ACCS: variants seen among roughly 807,000 people sequenced by gnomAD.
ACCS encodes 1-aminocyclopropane-1-carboxylate synthase-like protein 1.
In ACCS, 42 loss-of-function variants were observed where a neutral mutation model predicts 59.8. The ratio of observed to expected loss-of-function variants is 0.70; its 90% CI spans 0.55 to 0.91. The LOEUF (loss-of-function observed/expected upper bound fraction) is 0.91. Ranked by LOEUF, ACCS falls within the 40% of genes least tolerant of loss-of-function variation. ACCS has a pLI of 0.00. For missense variants in ACCS, 602 were observed against 630.4 expected (o/e 0.95, Z 0.48); for synonymous variants, 230 against 240.3 (o/e 0.96, Z 0.40).
At chr11:44,080,594 A>C (rs1038608096) in intron 10 of ACCS, 2 of 191,952 alleles carry the variant, frequency 1.0e-5, no homozygotes, top group African/African-American at 4.7e-5. Flanking sequence ...AGCCAGAAAA[A>C]CCATTTTAGC....
intron 2 of ACCS, among the ~76,000 whole-genome samples, chr11:44,069,019 A>G (rs11605120): frequency 0.11 from 16,051 of 152,236 alleles, 948 homozygotes; most frequent in Middle Eastern, 0.17. Flanking sequence ...GGATGTTGCT[A>G]TTTAGTAGAA....
chr11:44,070,657 C>T lies in ACCS; in HGVS notation c.289-599C>T, dbSNP rs919076520. Among the ~76,000 whole-genome samples the T allele has an allele frequency of 3.3e-5, 5 of 152,256 alleles. No individual in the cohort carries two copies. In the South Asian group the frequency reaches 8.3e-4, roughly 25 times the overall value. On this transcript the variant is annotated intron_variant, in intron 2 of 14. Transcript: ENST00000263776. ...TTATGCCTGCCTGCCTATCCTATGA[C>T]AATAAATGCCTGTGGGGTGGGGATC...
At chr11:44,069,172 G>A (rs1453330120) in intron 2 of ACCS, among the ~76,000 whole-genome samples, 2 of 152,104 alleles carry the variant, frequency 1.3e-5, no homozygotes, top group East Asian at 1.9e-4. Flanking sequence ...AATTTTTGGA[G>A]TTCAGGAATC....
At chr11:44,077,719 G>C in intron 7 of ACCS, 126 bp from the exon 8 acceptor site, 1 of 1,468,776 alleles carries the variant, frequency 6.8e-7, no homozygotes, top group Non-Finnish European at 9.0e-7. Context: ...GACCCCACCT[G>C]CTTTTCCAGA....
At chr11:44,078,979 T>TA (rs1953509106) in intron 9 of ACCS, 195 bp downstream of exon 9, 1 of 577,468 alleles carries the variant, frequency 1.7e-6, no homozygotes, top group Non-Finnish European at 3.1e-6. Context: ...TTTATAACAA[T>TA]AGCTATCAAT....
intron 2 of ACCS, among the ~76,000 whole-genome samples, chr11:44,069,641 C>T (rs1057473549): frequency 1.3e-4 from 20 of 152,338 alleles, no homozygotes; most frequent in African/African-American, 3.1e-4. Flanking sequence ...GTGGGAGGCT[C>T]TACTTCCAAT....
At chr11:44,069,369 A>G (rs1325138644) in intron 2 of ACCS, among the ~76,000 whole-genome samples, 1 of 152,082 alleles carries the variant, frequency 6.6e-6, no homozygotes, top group Non-Finnish European at 1.5e-5. Context: ...GGTGTGTGCC[A>G]CTATGCCCAG....
intron 5 of ACCS, 142 bp from the exon 6 acceptor site, chr11:44,075,384 G>T (rs1180470548): frequency 2.5e-6 from 2 of 791,582 alleles, no homozygotes; most frequent in East Asian, 2.5e-5. Flanking sequence ...TTGGCTGTCA[G>T]TCTAGTGGCT....
rs959357252 is a variant in ACCS at position 44,077,385 on chromosome 11, C to T, written c.654+9C>T. ...TCTACCTGGACAGTGAGGTAAGAGT[C>T]TTGACTTCCTAGGTGGAACCTGGGC... On this transcript the variant is annotated intron_variant, in intron 7 of 14. Coordinates refer to ENST00000263776, the MANE Select transcript of ACCS (RefSeq NM_032592.4). 6.2e-7 allele frequency: 1 copy of T among 1,613,566 alleles called. No individual in the cohort carries two copies. Among genetic ancestry groups the T allele is most frequent in the Non-Finnish European group, 8.5e-7 (1 of 1,179,712 alleles).
Position 44,081,041 on chromosome 11 carries a change from C to T in ACCS, c.945C>T (p.Thr315=), listed in dbSNP as rs954178768. ...SLERLPDPQR[T]HVMWATSKDF... ...GCAGGCTCCCTGACCCCCAGAGGAC[C>T]CATGTGATGTGGGCAACCAGCAAGG... Residue 315 remains threonine, a synonymous_variant, in exon 11 of 15, where the codon ACC becomes ACT. Transcript: ENST00000263776. The T allele has an allele frequency of 1.9e-6, 3 of 1,614,192 alleles. No homozygotes were observed. The highest frequency in any genetic ancestry group is 2.5e-6 in the Non-Finnish European group (3 of 1,180,044).
At chr11:44,083,615 G>A in intron 14 of ACCS, 38 bp downstream of exon 14, 1 of 1,614,126 alleles carries the variant, frequency 6.2e-7, no homozygotes, top group Non-Finnish European at 8.5e-7. Flanking sequence ...CCTAACTGCA[G>A]CCTTCACTGT....
chr11:44,071,124 C>A, intron 2 of ACCS, 132 bp from the exon 3 acceptor site: 1 of 903,088 alleles, frequency 1.1e-6, no homozygotes, highest in Non-Finnish European at 1.8e-6. Context: ...TGAGCAAAGG[C>A]AAGGAGGGAT....
At chr11:44,079,685 C>T in intron 10 of ACCS, 65 bp downstream of exon 10, 1 of 1,470,668 alleles carries the variant, frequency 6.8e-7, no homozygotes, top group Non-Finnish European at 9.3e-7. Flanking sequence ...TGGCCACTTT[C>T]TGGCTCAGCC....
Position 44,071,237 on chromosome 11 carries a change from C to T in ACCS, c.289-19C>T. The T allele has an allele frequency of 2.5e-6, 4 of 1,614,126 alleles. No homozygotes were observed. Among genetic ancestry groups the T allele is most frequent in the Non-Finnish European group, 1.7e-6 (2 of 1,179,978 alleles). On this transcript the variant is annotated intron_variant, in intron 2 of 14. Coordinates refer to ENST00000263776, the MANE Select transcript of ACCS (RefSeq NM_032592.4). ...CCCCCCTGCCATGCTAACTCTGCCT[C>T]TGTACCTCTCATCTCCAGGGCATCA...
Position 44,083,152 on chromosome 11 carries a change from C to T in ACCS, c.1112-17C>T. On this transcript the variant is annotated splice_polypyrimidine_tract_variant and intron_variant, in intron 12 of 14. Coordinates refer to ENST00000263776, the MANE Select transcript of ACCS (RefSeq NM_032592.4). ...GTTGATGGGATATTGATCTTCTGGC[C>T]TCTTTCACCCAAACAGACTGGATCA... 6.8e-7 allele frequency: 1 copy of T among 1,473,766 alleles called. No individual in the cohort carries two copies. The highest frequency in any genetic ancestry group is 9.0e-7 in the Non-Finnish European group (1 of 1,117,244). 91.3% of individuals were successfully genotyped at this position (1,473,766 alleles called of 1,614,324 possible).
chr11:44,076,287 A>G (rs1172778138), intron 6 of ACCS, among the ~76,000 whole-genome samples: 1 of 152,248 alleles, frequency 6.6e-6, no homozygotes, highest in Non-Finnish European at 1.5e-5. Context: ...TTAATTAATA[A>G]TGAGAATATT....
chr11:44,067,483 C>A, intron 1 of ACCS, 145 bp from the exon 2 acceptor site: 1 of 853,790 alleles, frequency 1.2e-6, no homozygotes, highest in East Asian at 2.5e-5. Context: ...ATGGTTACAG[C>A]TAAGGGACAC....
Position 44,078,675 on chromosome 11 carries a change from T to A in ACCS, c.733-9T>A. 1 of 1,613,680 alleles carries A rather than the reference T, an allele frequency of 6.2e-7. No individual in the cohort carries two copies. The highest frequency in any genetic ancestry group is 1.3e-5 in the African/African-American group (1 of 75,010). The stretch of plus-strand genomic sequence containing the variant: ...GCTGAGGGTCTCCTGCCCTAACGGA[T>A]GGTTTCAGGGTGTGAAGGTCAAAGG... On this transcript the variant is annotated splice_polypyrimidine_tract_variant and intron_variant, in intron 8 of 14. Transcript: ENST00000263776.
In ACCS at chr11:44,067,818, C is replaced by A. The variant is rs865883341; in HGVS notation, c.191C>A (p.Ser64Tyr). ...AMISSDTSYL[S>Y]SRGRMIKWFW... The stretch of plus-strand genomic sequence containing the variant: ...ATCTCCTCTGATACCTCCTACCTGT[C>A]CTCTAGAGGAAGAATGATTAAATGG... Residue 64 changes from serine to tyrosine, a missense_variant, in exon 2 of 15, where the codon TCC (serine) becomes TAC (tyrosine). Coordinates refer to ENST00000263776, the MANE Select transcript of ACCS (RefSeq NM_032592.4). 6.2e-7 allele frequency: 1 copy of A among 1,614,082 alleles called. No individual in the cohort carries two copies. Among genetic ancestry groups the A allele is most frequent in the Non-Finnish European group, 8.5e-7 (1 of 1,180,004 alleles).
Sources: gnomAD v4.1 joint callset for allele counts (sites outside exome capture counted in the v4.1 genomes callset) on GRCh38, gnomAD v4.1.1 for gene constraint, MANE v1.5 for transcripts, NCBI Gene and HGNC (gene_info 2026-07-23, HGNC 2026-07-21) for gene names.